The following HMGA2 variants were observed in gnomAD, a reference collection of about 807,000 sequenced individuals.
HMGA2 encodes high mobility group protein HMGI-C.
Under a neutral mutation model 19.1 loss-of-function variants are expected in HMGA2, and 8 were observed. The ratio of observed to expected loss-of-function variants is 0.42; its 90% confidence interval spans 0.25 to 0.76. HMGA2 has a LOEUF of 0.76. Among genes scored for constraint, HMGA2 ranks in the 30% least tolerant of loss-of-function variants. The pLI is 0.28. For synonymous variants in HMGA2, 60 were observed against 48.8 expected (o/e 1.23, Z -0.96); for missense variants, 109 against 136.3 (o/e 0.80, Z 1.00).
chr12:65,850,384 C>G (rs1265602444), intron 3 of HMGA2, among the ~76,000 whole-genome samples: 1 of 152,130 alleles, frequency 6.6e-6, no homozygotes, highest in Admixed American at 6.5e-5. Context: ...CTCACTTGTA[C>G]TGCATTGTTT....
intron 3 of HMGA2, among the ~76,000 whole-genome samples, chr12:65,895,764 G>T (rs1461947210): frequency 2.0e-5 from 3 of 152,128 alleles, no homozygotes; most frequent in East Asian, 1.9e-4. Context: ...CTGGTTGGTT[G>T]TATGCATATT....
chr12:65,942,901 CT>C (rs1255755602), intron 3 of HMGA2, among the ~76,000 whole-genome samples: 1 of 152,070 alleles, frequency 6.6e-6, no homozygotes, highest in Non-Finnish European at 1.5e-5. Flanking sequence ...AAAAGTGATA[CT>C]TTTCTTCTAC....
chr12:65,854,065 A>G (rs185354680), intron 3 of HMGA2, among the ~76,000 whole-genome samples: 106 of 152,296 alleles, frequency 7.0e-4, no homozygotes, highest in Middle Eastern at 6.8e-3. Context: ...GACATTTCAA[A>G]GTGTTTGTCA....
chr12:65,884,675 T>A lies in HMGA2; in HGVS notation c.249+46106T>A, dbSNP rs370678033. Among the ~76,000 whole-genome samples the A allele has an allele frequency of 1.9e-4, 29 of 152,360 alleles. 1 individual carries two copies. The highest frequency in any genetic ancestry group is 7.0e-4 in the African/African-American group (29 of 41,588). ...TCTATTAAGATTTTTCATATCCTAA[T>A]GGAATTATGCTTCTAAATTCTCAAT... On this transcript the variant is annotated intron_variant, in intron 3 of 4. Coordinates refer to ENST00000403681, the MANE Select transcript of HMGA2 (RefSeq NM_003483.6).
At chr12:65,933,992 C>G (rs1875807635) in intron 3 of HMGA2, among the ~76,000 whole-genome samples, 1 of 152,156 alleles carries the variant, frequency 6.6e-6, no homozygotes, top group African/African-American at 2.4e-5. Context: ...CTTCTGTAAA[C>G]TCCTATATCA....
At chr12:65,907,839 T>A (rs1874669522) in intron 3 of HMGA2, among the ~76,000 whole-genome samples, 1 of 152,150 alleles carries the variant, frequency 6.6e-6, no homozygotes, top group Admixed American at 6.5e-5. Context: ...TAATTGGGTT[T>A]CCAACATAAT....
intron 2 of HMGA2, among the ~76,000 whole-genome samples, chr12:65,833,885 G>GT (rs1185587266): frequency 6.6e-6 from 1 of 152,130 alleles, no homozygotes. Context: ...AAGAAAATTG[G>GT]TAAGTATTAT....
chr12:65,920,141 G>T (rs1047498971), intron 3 of HMGA2, among the ~76,000 whole-genome samples: 7 of 152,146 alleles, frequency 4.6e-5, no homozygotes, highest in Non-Finnish European at 1.0e-4. Flanking sequence ...TAGTGGTGGG[G>T]GAGTTCTTTG....
In HMGA2 at chr12:65,916,590, C is replaced by T. The variant is rs900047800; in HGVS notation, c.250-34793C>T. Among the ~76,000 whole-genome samples the T allele has an allele frequency of 3.3e-5, 5 of 152,180 alleles. No homozygotes were observed. The East Asian group carries it at 7.7e-4, about 23-fold the overall frequency. On this transcript the variant is annotated intron_variant, in intron 3 of 4. Transcript: ENST00000403681. ...ATGCTTTATAAATCACTAGAAAACA[C>T]GTGACAGGAACTATTCCTGATCAGT...
At chr12:65,841,664 G>A (rs993499951) in intron 3 of HMGA2, among the ~76,000 whole-genome samples, 3 of 152,158 alleles carry the variant, frequency 2.0e-5, no homozygotes, top group East Asian at 1.9e-4. Flanking sequence ...TTTTTGAACC[G>A]ACTGGATTCA....
chr12:65,928,168 C>T (rs914210940), intron 3 of HMGA2, among the ~76,000 whole-genome samples: 9 of 152,038 alleles, frequency 5.9e-5, no homozygotes, highest in Non-Finnish European at 1.5e-5. Flanking sequence ...TCCCATTGCT[C>T]CTAAGCTACA....
intron 2 of HMGA2, among the ~76,000 whole-genome samples, chr12:65,834,590 C>T (rs949421049): frequency 7.0e-6 from 1 of 143,300 alleles, no homozygotes; most frequent in Non-Finnish European, 1.5e-5. Context: ...CTCCCTTCCT[C>T]CCTTCCTCCC....
intron 3 of HMGA2, chr12:65,948,363 G>A (rs1016416405): frequency 2.0e-5 from 3 of 152,116 alleles, no homozygotes; most frequent in African/African-American, 7.2e-5. Flanking sequence ...GAACCCCGAG[G>A]AGCAACTGGT....
intron 3 of HMGA2, among the ~76,000 whole-genome samples, chr12:65,919,563 C>T (rs1377069387): frequency 2.0e-5 from 3 of 152,190 alleles, no homozygotes; most frequent in African/African-American, 7.2e-5. Context: ...ATTTCAAAGG[C>T]TAATCCAATA....
intron 3 of HMGA2, chr12:65,859,273 G>A (rs1197967262): frequency 1.3e-5 from 2 of 152,176 alleles, no homozygotes; most frequent in African/African-American, 4.8e-5. Flanking sequence ...AATTTGGAGA[G>A]TAAGTTGTAT....
At chr12:65,890,989 C>G (rs1171029384) in intron 3 of HMGA2, among the ~76,000 whole-genome samples, 1 of 152,180 alleles carries the variant, frequency 6.6e-6, no homozygotes, top group Non-Finnish European at 1.5e-5. Context: ...CCTCGGCCTC[C>G]CAAAGTGCTG....
intron 3 of HMGA2, among the ~76,000 whole-genome samples, chr12:65,917,772 A>T (rs1268219012): frequency 3.3e-5 from 5 of 152,178 alleles, no homozygotes; most frequent in Admixed American, 1.3e-4. Flanking sequence ...CTTTGCTCGT[A>T]TCTCTAGTTG....
intron 4 of HMGA2, chr12:65,954,490 A>G (rs1320322817): frequency 3.9e-5 from 6 of 152,222 alleles, no homozygotes; most frequent in East Asian, 1.9e-4. Context: ...ATACTGCCCA[A>G]TGCTGAAGTC....
intron 4 of HMGA2, chr12:65,955,033 T>A (rs1876564874): frequency 6.6e-6 from 1 of 152,032 alleles, no homozygotes; most frequent in African/African-American, 2.4e-5. Context: ...ACACAAAAAT[T>A]AGCCGGGCGT....
Sources: allele counts gnomAD v4.1 joint callset (sites outside exome capture counted in the v4.1 genomes callset), GRCh38; gene constraint gnomAD v4.1.1; transcripts MANE v1.5; gene names NCBI Gene and HGNC (gene_info 2026-07-23, HGNC 2026-07-21).